Variants in RBMS3 observed in about 807,000 individuals in gnomAD.
RBMS3 encodes the protein RNA binding motif single stranded interacting protein 3.
A neutral mutation model predicts 66.8 loss-of-function variants in RBMS3; 27 were observed. That is an observed-to-expected ratio of 0.40 (90% CI 0.30 to 0.56). RBMS3 has a LOEUF of 0.56. Ranked by LOEUF, RBMS3 falls within the 20% of genes least tolerant of loss-of-function variation. RBMS3 has a pLI of 0.40. For synonymous variants in RBMS3, 188 were observed against 183.0 expected, an observed-to-expected ratio of 1.03 and a Z score of -0.22; for missense variants, 513 against 549.5, an observed-to-expected ratio of 0.93 and a Z score of 0.66.
At chr3:29,826,518 C>T (rs1345054332) in intron 6 of RBMS3, among the ~76,000 whole-genome samples, 1 of 152,096 alleles carries the variant, frequency 6.6e-6, no homozygotes, top group African/African-American at 2.4e-5. Context: ...TATTAGTCTT[C>T]TATTGGTGTA....
At chr3:29,786,111 A>AC (rs2056808206) in intron 6 of RBMS3, among the ~76,000 whole-genome samples, 1 of 148,912 alleles carries the variant, frequency 6.7e-6, no homozygotes, top group Non-Finnish European at 1.5e-5. Context: ...AAAAAAAAAA[A>AC]AAACTTAGAA....
intron 4 of RBMS3, among the ~76,000 whole-genome samples, chr3:29,717,195 G>A (rs977741492): frequency 1.3e-5 from 2 of 151,964 alleles, no homozygotes; most frequent in African/African-American, 4.8e-5. Context: ...CTAAATATAA[G>A]TATTAAAGGT....
At position 29,735,599 on chromosome 3, in the gene RBMS3, G is replaced by C. The variant is rs796632272; in HGVS notation, c.400-4121G>C. Among the ~76,000 whole-genome samples, 7 of 152,198 alleles carry C rather than the reference G, an allele frequency of 4.6e-5. 1 individual carries two copies. The highest frequency in any genetic ancestry group is 1.4e-4 in the African/African-American group (6 of 41,538). On this transcript the variant is annotated intron_variant, in intron 4 of 14. Transcript: ENST00000383767. ...GACTGTGTGTAGAATACTAGCTAAGGCTAGGAACTCTTTTTTCATAGCCTT... is the reference window on the plus strand; with the variant it reads ...GACTGTGTGTAGAATACTAGCTAAGCCTAGGAACTCTTTTTTCATAGCCTT...
At chr3:29,624,540 A>G (rs943694730) in intron 4 of RBMS3, among the ~76,000 whole-genome samples, 1 of 152,156 alleles carries the variant, frequency 6.6e-6, no homozygotes, top group Non-Finnish European at 1.5e-5. Flanking sequence ...GACTCTTACT[A>G]TGCTTTAGAA....
chr3:29,613,547 C>T (rs2048562153), intron 4 of RBMS3, among the ~76,000 whole-genome samples: 1 of 152,002 alleles, frequency 6.6e-6, no homozygotes, highest in Admixed American at 6.6e-5. Flanking sequence ...TGGTTGTGCT[C>T]ATACTTTATG....
At position 29,913,225 on chromosome 3, in the gene RBMS3, T is replaced by C. The variant is rs576532457; in HGVS notation, c.939+13470T>C. Among the ~76,000 whole-genome samples the C allele has an allele frequency of 3.3e-5, 5 of 152,120 alleles. No homozygotes were observed. The East Asian group carries it at 9.7e-4, about 29-fold the overall frequency. On this transcript the variant is annotated intron_variant, in intron 10 of 14. Transcript: ENST00000383767. Reference sequence around the variant, plus strand: ...CCATGAGAATTTAAAAGTATCTGCATAAATTGATGATTTGGCATCAGATAA... The same window carrying C: ...CCATGAGAATTTAAAAGTATCTGCACAAATTGATGATTTGGCATCAGATAA...
intron 1 of RBMS3, among the ~76,000 whole-genome samples, chr3:29,318,760 C>T (rs375535036): frequency 6.6e-6 from 1 of 151,852 alleles, no homozygotes; most frequent in African/African-American, 2.4e-5. Flanking sequence ...GGGATGCCAA[C>T]TTGAATGAGA....
At chr3:29,992,196 T>A (rs1698921860) in intron 14 of RBMS3, among the ~76,000 whole-genome samples, 1 of 152,154 alleles carries the variant, frequency 6.6e-6, no homozygotes. Flanking sequence ...ATTTTTCTTA[T>A]TAAAGAAAAA....
intron 4 of RBMS3, among the ~76,000 whole-genome samples, chr3:29,666,035 T>C (rs2050740093): frequency 6.6e-6 from 1 of 152,182 alleles, no homozygotes; most frequent in Non-Finnish European, 1.5e-5. Flanking sequence ...ACTAGGGTTC[T>C]CTGCTGTCTG....
intron 3 of RBMS3, among the ~76,000 whole-genome samples, chr3:29,559,677 A>G (rs974279896): frequency 6.6e-5 from 10 of 152,050 alleles, no homozygotes; most frequent in Non-Finnish European, 1.2e-4. Context: ...CCATCTATTA[A>G]TGTTCTGCAA....
intron 1 of RBMS3, among the ~76,000 whole-genome samples, chr3:29,368,499 A>G (rs527734707): frequency 1.6e-4 from 25 of 152,236 alleles, no homozygotes; most frequent in Middle Eastern, 6.8e-3. Context: ...CCTGAATTCT[A>G]AAAGGCTTCA....
intron 12 of RBMS3, among the ~76,000 whole-genome samples, chr3:29,960,453 C>T (rs1159681601): frequency 6.6e-6 from 1 of 152,154 alleles, no homozygotes; most frequent in Non-Finnish European, 1.5e-5. Context: ...ACAGTGCAAG[C>T]TGTTGGTGGA....
chr3:29,786,544 C>T (rs1001226850), intron 6 of RBMS3, among the ~76,000 whole-genome samples: 3 of 151,978 alleles, frequency 2.0e-5, no homozygotes, highest in Admixed American at 2.0e-4. Flanking sequence ...AAGCCAAATA[C>T]TTACAACCAA....
chr3:29,857,072 G>T (rs987017748), intron 6 of RBMS3, among the ~76,000 whole-genome samples: 1 of 152,132 alleles, frequency 6.6e-6, no homozygotes, highest in Non-Finnish European at 1.5e-5. Flanking sequence ...TCTAGCTGAT[G>T]CCTCCAGCCT....
chr3:29,852,887 T>C (rs948188192), intron 6 of RBMS3, among the ~76,000 whole-genome samples: 1 of 152,116 alleles, frequency 6.6e-6, no homozygotes, highest in African/African-American at 2.4e-5. Context: ...CTATTCAAAA[T>C]AGCAAAGTCA....
intron 2 of RBMS3, among the ~76,000 whole-genome samples, chr3:29,486,624 A>AT (rs571928926): frequency 7.9e-5 from 12 of 152,276 alleles, no homozygotes; most frequent in African/African-American, 2.6e-4. Context: ...AACATTTAAC[A>AT]TTTTTTGCTG....
At chr3:29,598,548 T>G (rs759145562) in intron 4 of RBMS3, among the ~76,000 whole-genome samples, 2 of 152,022 alleles carry the variant, frequency 1.3e-5, no homozygotes, top group South Asian at 4.1e-4. Flanking sequence ...TCTCTCTCCC[T>G]TACTTAACTT....
At position 29,936,099 on chromosome 3, in the gene RBMS3, C is replaced by T; in HGVS notation, c.953C>T (p.Thr318Ile). Residue 318 changes from threonine (T) to isoleucine (I), a missense_variant, in exon 11 of 15, where the codon ACA (threonine) becomes ATA (isoleucine). Thr to Ile is a moderately conservative substitution (Grantham distance 89). Transcript: ENST00000383767. ...ATATGCTTGTAGGGTGCTGTGATTA[C>T]ACCAACCATGGACCATCCCATGTCA... ...YVMQPTGAVI[T>I]PTMDHPMSMQ... is the part of the protein sequence containing the mutation. 1 of 1,612,968 alleles carries T rather than the reference C, an allele frequency of 6.2e-7. No individual in the cohort carries two copies. Among genetic ancestry groups the T allele is most frequent in the Non-Finnish European group, 8.5e-7 (1 of 1,179,376 alleles).
intron 7 of RBMS3, among the ~76,000 whole-genome samples, chr3:29,875,805 T>G (rs1577051045): frequency 6.6e-6 from 1 of 152,212 alleles, no homozygotes; most frequent in East Asian, 1.9e-4. Flanking sequence ...TAGCATTTTC[T>G]GTGCCATAGT....
Sources: allele counts gnomAD v4.1 joint callset (sites outside exome capture counted in the v4.1 genomes callset), GRCh38; gene constraint gnomAD v4.1.1; transcripts MANE v1.5; gene names NCBI Gene and HGNC (gene_info 2026-07-23, HGNC 2026-07-21).